PCDH15: variants seen among roughly 807,000 people sequenced by gnomAD.
PCDH15 encodes protocadherin related 15, also known as protocadherin-15.
Under a neutral mutation model 178.5 loss-of-function variants are expected in PCDH15, and 129 were observed. The observed-to-expected ratio is 0.72, with a 90% CI of 0.63 to 0.84. PCDH15 has a LOEUF of 0.84. PCDH15 is among the 40% of genes least tolerant of loss of function. The pLI is 0.00. For synonymous variants in PCDH15, 800 were observed against 732.0 expected, an observed-to-expected ratio of 1.09 and a Z score of -1.50; for missense variants, 2,230 against 2,099.9, an observed-to-expected ratio of 1.06 and a Z score of -1.21.
chr10:54,457,723 A>G (rs2076920209), intron 3 of PCDH15, among the ~76,000 whole-genome samples: 1 of 152,146 alleles, frequency 6.6e-6, no homozygotes, highest in African/African-American at 2.4e-5. Context: ...ATGATAAATC[A>G]TAGTCATAAG....
chr10:55,454,698 C>T (rs7090423), intron 2 of PCDH15, among the ~76,000 whole-genome samples: 112,427 of 147,130 alleles, frequency 0.76, 44,258 homozygotes, highest in East Asian at 0.99. Context: ...GGCAGGAGAA[C>T]GGTATGAACC....
intron 2 of PCDH15, among the ~76,000 whole-genome samples, chr10:55,342,995 A>G (rs1412012752): frequency 7.9e-5 from 12 of 152,142 alleles, no homozygotes; most frequent in Admixed American, 7.9e-4. Flanking sequence ...GGAAAACCAA[A>G]TGCATAGAGG....
At chr10:54,075,692 A>C (rs1281234067) in intron 17 of PCDH15, among the ~76,000 whole-genome samples, 1 of 152,194 alleles carries the variant, frequency 6.6e-6, no homozygotes, top group Non-Finnish European at 1.5e-5. Context: ...GATGTTAGAT[A>C]AGGTCCAACT....
At chr10:54,380,673 T>C (rs1949086136) in intron 3 of PCDH15, among the ~76,000 whole-genome samples, 1 of 28,810 alleles carries the variant, frequency 3.5e-5, no homozygotes, top group Admixed American at 4.1e-4. Flanking sequence ...ATATATATGC[T>C]CCATATATAT....
At chr10:55,434,210 G>A (rs1478181387) in intron 2 of PCDH15, among the ~76,000 whole-genome samples, 1 of 146,880 alleles carries the variant, frequency 6.8e-6, no homozygotes, top group Non-Finnish European at 1.5e-5. Flanking sequence ...CCTCCCTACA[G>A]GCGCCTGCCG....
chr10:54,383,625 GTTTT>G (rs35045750), intron 3 of PCDH15, among the ~76,000 whole-genome samples: 11,379 of 36,978 alleles, frequency 0.31, 660 homozygotes, highest in East Asian at 0.47. Flanking sequence ...GTGTATGTGT[GTTTT>G]TGTGTGTGTG....
intron 8 of PCDH15, among the ~76,000 whole-genome samples, chr10:54,248,198 T>G (rs1286227836): frequency 6.6e-6 from 1 of 151,770 alleles, no homozygotes; most frequent in Non-Finnish European, 1.5e-5. Flanking sequence ...AATTCCATAG[T>G]TGATCAAATA....
chr10:55,351,743 T>C (rs1468542390), intron 2 of PCDH15, among the ~76,000 whole-genome samples: 1 of 152,178 alleles, frequency 6.6e-6, no homozygotes, highest in Non-Finnish European at 1.5e-5. Context: ...TCTGTGCTAA[T>C]GTTTGCTTTT....
intron 3 of PCDH15, among the ~76,000 whole-genome samples, chr10:54,857,431 G>A (rs988007466): frequency 2.0e-5 from 3 of 151,862 alleles, no homozygotes; most frequent in East Asian, 1.9e-4. Flanking sequence ...CATATTATTC[G>A]TTATTTTATT....
intron 20 of PCDH15, among the ~76,000 whole-genome samples, chr10:54,001,276 G>C (rs1487682902): frequency 1.3e-5 from 2 of 152,094 alleles, no homozygotes; most frequent in African/African-American, 4.8e-5. Context: ...ATGTACACAG[G>C]AAACACAGAG....
chr10:54,829,454 T>C (rs561596983), intron 3 of PCDH15, among the ~76,000 whole-genome samples: 1 of 152,170 alleles, frequency 6.6e-6, no homozygotes, highest in Non-Finnish European at 1.5e-5. Flanking sequence ...ATGTAAAATC[T>C]TAAGAAACCA....
chr10:53,897,723 GC>G (rs2082048236), intron 26 of PCDH15, among the ~76,000 whole-genome samples: 1 of 151,922 alleles, frequency 6.6e-6, no homozygotes, highest in Admixed American at 6.6e-5. Flanking sequence ...CTAAACCCTG[GC>G]AGCCAATATT....
At chr10:54,663,655 C>A (rs2094525010) in intron 2 of PCDH15, among the ~76,000 whole-genome samples, 1 of 148,470 alleles carries the variant, frequency 6.7e-6, no homozygotes, top group Non-Finnish European at 1.5e-5. Flanking sequence ...AATCAAATAC[C>A]AAAATACCAA....
chr10:54,582,524 A>G (rs949739201), intron 2 of PCDH15, among the ~76,000 whole-genome samples: 5 of 152,162 alleles, frequency 3.3e-5, no homozygotes, highest in Non-Finnish European at 7.3e-5. Context: ...GAGGAAATAC[A>G]TATATGCAAA....
chr10:54,589,461 T>C (rs919953602), intron 2 of PCDH15, among the ~76,000 whole-genome samples: 1 of 152,190 alleles, frequency 6.6e-6, no homozygotes, highest in Non-Finnish European at 1.5e-5. Context: ...GCCATTCTAT[T>C]TTGTTTTATC....
intron 25 of PCDH15, among the ~76,000 whole-genome samples, chr10:53,909,399 A>C (rs550651305): frequency 5.3e-4 from 80 of 152,288 alleles, no homozygotes; most frequent in Middle Eastern, 3.4e-3. Context: ...AATAAATGTT[A>C]AATTAAATTG....
intron 2 of PCDH15, among the ~76,000 whole-genome samples, chr10:55,459,703 G>T (rs1229782103): frequency 1.3e-5 from 2 of 151,990 alleles, no homozygotes; most frequent in African/African-American, 4.8e-5. Flanking sequence ...TTGACTAGAA[G>T]GACTTAATGA....
In PCDH15 at chr10:55,347,924, TATA is replaced by T. The variant is rs1844805882; in HGVS notation, c.-155-181276_-155-181274del. Among the ~76,000 whole-genome samples the T allele has an allele frequency of 5.9e-5, 9 of 152,154 alleles. No individual in the cohort carries two copies. The South Asian group carries it at 1.9e-3, about 31-fold the overall frequency. On this transcript the variant is annotated intron_variant, in intron 2 of 5. Transcript: ENST00000613346. ...TCAGCTAAAACTTGAACCTTTTATT[TATA>T]ATATTATAATTTCTTATATCATACA...
chr10:53,875,391 A>G (rs4586053), intron 26 of PCDH15, among the ~76,000 whole-genome samples: 94,413 of 151,664 alleles, frequency 0.62, 30,483 homozygotes, highest in Middle Eastern at 0.78. Context: ...GAGATGTCTA[A>G]CAAGTTGGGT....
Sources: allele counts gnomAD v4.1 joint callset (sites outside exome capture counted in the v4.1 genomes callset), GRCh38; gene constraint gnomAD v4.1.1; transcripts MANE v1.5; gene names NCBI Gene and HGNC (gene_info 2026-07-23, HGNC 2026-07-21).